Variants in UNC5C observed in about 807,000 individuals in gnomAD.
UNC5C encodes netrin receptor UNC5C.
Under a neutral mutation model 99.8 loss-of-function variants are expected in UNC5C, and 47 were observed. That is an observed-to-expected ratio of 0.47 (90% CI 0.37 to 0.60). The LOEUF (loss-of-function observed/expected upper bound fraction) is 0.60. UNC5C is among the 20% of genes least tolerant of loss of function. UNC5C has a pLI of 0.00. For missense variants in UNC5C, 1,062 were observed against 1,165.9 expected (o/e 0.91, Z 1.30); for synonymous variants, 487 against 452.2 (o/e 1.08, Z -0.98).
intron 1 of UNC5C, among the ~76,000 whole-genome samples, chr4:95,383,815 A>G (rs1040979444): frequency 6.6e-6 from 1 of 152,204 alleles, no homozygotes. Flanking sequence ...TTTAATATAA[A>G]CTTCCCAGTT....
intron 7 of UNC5C, among the ~76,000 whole-genome samples, chr4:95,234,234 T>C (rs1739017103): frequency 6.6e-6 from 1 of 152,184 alleles, no homozygotes; most frequent in Non-Finnish European, 1.5e-5. Flanking sequence ...AGTATTTTAA[T>C]ATGTACACAG....
At chr4:95,192,193 ATCC>A (rs1249678859) in intron 12 of UNC5C, among the ~76,000 whole-genome samples, 13 of 76,442 alleles carry the variant, frequency 1.7e-4, no homozygotes, top group African/African-American at 2.2e-4. Context: ...CCTTTCTCAT[ATCC>A]TCCTCTACTC....
At chr4:95,313,639 C>T (rs1742359850) in intron 2 of UNC5C, among the ~76,000 whole-genome samples, 1 of 152,132 alleles carries the variant, frequency 6.6e-6, no homozygotes, top group Non-Finnish European at 1.5e-5. Context: ...AGAGCAATCA[C>T]TTCTGAGTGA....
At chr4:95,289,561 TA>T (rs532340201) in intron 3 of UNC5C, among the ~76,000 whole-genome samples, 104 of 152,340 alleles carry the variant, frequency 6.8e-4, no homozygotes, top group Non-Finnish European at 9.0e-4. Context: ...CACATTCTAA[TA>T]TTTTTTTAAA....
intron 7 of UNC5C, among the ~76,000 whole-genome samples, chr4:95,229,005 T>G (rs1738799624): frequency 6.6e-6 from 1 of 152,188 alleles, no homozygotes. Flanking sequence ...TCACATTGCA[T>G]TTGGCATAAA....
chr4:95,399,379 A>G (rs9991282), intron 1 of UNC5C, among the ~76,000 whole-genome samples: 18,185 of 152,202 alleles, frequency 0.12, 1,792 homozygotes, highest in African/African-American at 0.26. Flanking sequence ...AACCCTTTCA[A>G]GTTAATGAGG....
chr4:95,311,644 CCTCA>C (rs1167452719), intron 2 of UNC5C, among the ~76,000 whole-genome samples: 14 of 152,242 alleles, frequency 9.2e-5, no homozygotes, highest in African/African-American at 3.1e-4. Flanking sequence ...GAATTATAGA[CCTCA>C]CTATTAGTCT....
intron 1 of UNC5C, among the ~76,000 whole-genome samples, chr4:95,437,673 C>T (rs1443673676): frequency 2.0e-5 from 3 of 152,014 alleles, no homozygotes; most frequent in Non-Finnish European, 4.4e-5. Flanking sequence ...AGCTTTCTTG[C>T]AACTCTGCAA....
chr4:95,368,500 T>C (rs1211136914), intron 1 of UNC5C, among the ~76,000 whole-genome samples: 1 of 152,196 alleles, frequency 6.6e-6, no homozygotes. Context: ...AGGCTGTCTC[T>C]GATGACAGCT....
rs866871722 is a variant in UNC5C at position 95,357,135 on chromosome 4, G to T, written c.125-21504C>A. Among the ~76,000 whole-genome samples the T allele has an allele frequency of 2.4e-3, 345 of 146,038 alleles. 1 individual carries two copies. Among genetic ancestry groups the T allele is most frequent in the African/African-American group, 7.8e-3 (310 of 39,888 alleles). ...CTGATTTCTTGTTTTCCTTTTTTTT[G>T]TTTTTTTTTTTATTTAAAGACATGG... On this transcript the variant is annotated intron_variant, in intron 1 of 15. Transcript: ENST00000453304.
At chr4:95,535,579 G>T (rs72876497) in intron 1 of UNC5C, among the ~76,000 whole-genome samples, 54 of 152,082 alleles carry the variant, frequency 3.6e-4, no homozygotes, top group African/African-American at 1.2e-3. Flanking sequence ...TGGAATCTTC[G>T]CCTTGAAAAT....
intron 1 of UNC5C, among the ~76,000 whole-genome samples, chr4:95,538,868 A>G (rs966214523): frequency 3.3e-5 from 5 of 152,188 alleles, no homozygotes; most frequent in African/African-American, 1.2e-4. Context: ...TTTCTTTAGT[A>G]ACAAGCTTTC....
At chr4:95,340,753 C>A (rs976379028) in intron 1 of UNC5C, among the ~76,000 whole-genome samples, 1 of 151,976 alleles carries the variant, frequency 6.6e-6, no homozygotes, top group Non-Finnish European at 1.5e-5. Flanking sequence ...ATCCACTTAA[C>A]TCTGAAAAGG....
chr4:95,329,271 C>T (rs751089613), intron 2 of UNC5C, among the ~76,000 whole-genome samples: 1 of 152,062 alleles, frequency 6.6e-6, no homozygotes, highest in African/African-American at 2.4e-5. Context: ...GCCTGGAAGA[C>T]AGAGGAAGAC....
chr4:95,452,061 G>C (rs910065083), intron 1 of UNC5C, among the ~76,000 whole-genome samples: 3 of 151,958 alleles, frequency 2.0e-5, no homozygotes, highest in African/African-American at 7.3e-5. Context: ...ATAGCATATT[G>C]GTTAAAACAA....
intron 14 of UNC5C, among the ~76,000 whole-genome samples, chr4:95,180,481 A>G (rs1052821859): frequency 1.3e-5 from 2 of 152,204 alleles, no homozygotes; most frequent in African/African-American, 2.4e-5. Flanking sequence ...ATTTGTGTCA[A>G]TACAGTTAGT....
At chr4:95,299,679 A>G (rs1741801576) in intron 3 of UNC5C, among the ~76,000 whole-genome samples, 1 of 152,198 alleles carries the variant, frequency 6.6e-6, no homozygotes, top group Admixed American at 6.5e-5. Context: ...AACATCTTAC[A>G]TGGTGGCAGG....
chr4:95,182,123 A>AGAT (rs1233967977), intron 14 of UNC5C, among the ~76,000 whole-genome samples: 1 of 152,180 alleles, frequency 6.6e-6, no homozygotes, highest in Admixed American at 6.5e-5. Context: ...CCAAGGTAAC[A>AGAT]GATAAGGAAG....
At chr4:95,329,336 A>C (rs1743023304) in intron 2 of UNC5C, among the ~76,000 whole-genome samples, 2 of 152,312 alleles carry the variant, frequency 1.3e-5, no homozygotes, top group Admixed American at 6.5e-5. Flanking sequence ...AGGGATAAAC[A>C]GTCCCTGCTA....
Sources: gnomAD v4.1 joint callset for allele counts (sites outside exome capture counted in the v4.1 genomes callset) on GRCh38, gnomAD v4.1.1 for gene constraint, MANE v1.5 for transcripts, NCBI Gene and HGNC (gene_info 2026-07-23, HGNC 2026-07-21) for gene names.